The following KAT6A variants were observed in gnomAD, a reference collection of about 807,000 sequenced individuals.
KAT6A encodes lysine acetyltransferase 6A.
A neutral mutation model predicts 198.4 loss-of-function variants in KAT6A; 9 were observed. That is an observed-to-expected ratio of 0.05 (90% CI 0.03 to 0.08). The LOEUF (loss-of-function observed/expected upper bound fraction) is 0.08, where lower values mean the gene tolerates loss of function less well. Among genes scored for constraint, KAT6A ranks in the 10% least tolerant of loss-of-function variants. KAT6A has a pLI of 1.00. For synonymous variants in KAT6A, 890 were observed against 883.0 expected, an observed-to-expected ratio of 1.01 and a Z score of -0.14; for missense variants, 2,077 against 2,509.9, an observed-to-expected ratio of 0.83 and a Z score of 3.69.
intron 2 of KAT6A, among the ~76,000 whole-genome samples, chr8:42,027,278 T>G (rs1826867146): frequency 6.6e-6 from 1 of 152,316 alleles, no homozygotes; most frequent in African/African-American, 2.4e-5. Flanking sequence ...GGATTTGGTA[T>G]TGGGATAATG....
intron 16 of KAT6A, among the ~76,000 whole-genome samples, chr8:41,935,239 T>G (rs1292767583): frequency 1.3e-5 from 2 of 152,242 alleles, no homozygotes; most frequent in Non-Finnish European, 2.9e-5. Context: ...TAAGCAGTAC[T>G]TTTATCAAGT....
chr8:42,014,061 CATATG>C (rs1275771469), intron 2 of KAT6A, among the ~76,000 whole-genome samples: 1 of 152,066 alleles, frequency 6.6e-6, no homozygotes, highest in Admixed American at 6.6e-5. Flanking sequence ...ATCTGAATTA[CATATG>C]ATTTGCATGT....
chr8:41,997,326 A>G (rs1028745574), intron 2 of KAT6A, among the ~76,000 whole-genome samples: 1 of 152,142 alleles, frequency 6.6e-6, no homozygotes, highest in Admixed American at 6.6e-5. Context: ...TGAAACCTGT[A>G]TTTTTAACCA....
chr8:42,005,796 A>ACACACACACACACT lies in KAT6A; in HGVS notation c.601-18234_601-18233insAGTGTGTGTGTGTG, dbSNP rs71239089. Among the ~76,000 whole-genome samples, 355 of 148,890 alleles carry ACACACACACACACT rather than the reference A, an allele frequency of 2.4e-3. 2 individuals carry two copies. Among genetic ancestry groups the ACACACACACACACT allele is most frequent in the Non-Finnish European group, 2.2e-3 (146 of 67,358 alleles). The stretch of plus-strand genomic sequence containing the variant: ...CACACACACACACACACACACACAC[A>ACACACACACACACT]CACTCACTCTCTTTCTCCCCATCCA... On this transcript the variant is annotated intron_variant, in intron 2 of 16. Transcript: ENST00000265713.
chr8:41,973,440 G>A (rs1450292688), intron 8 of KAT6A, among the ~76,000 whole-genome samples: 5 of 151,958 alleles, frequency 3.3e-5, no homozygotes, highest in African/African-American at 1.2e-4. Flanking sequence ...GGCTGGTCTC[G>A]AATTCCTGAC....
rs765539082 is a variant in KAT6A, at chr8:41,932,189, T to G, written c.*16A>C. 9 of 1,528,116 alleles carry G rather than the reference T, an allele frequency of 5.9e-6. No homozygotes were observed. The South Asian group carries it at 1.2e-4, about 21-fold the overall frequency. 94.7% of individuals were successfully genotyped at this position (1,528,116 alleles called of 1,614,324 possible). On this transcript the variant is annotated 3_prime_UTR_variant, in exon 17 of 17. Coordinates refer to ENST00000265713, the MANE Select transcript of KAT6A (RefSeq NM_006766.5). ...ATTTATATATATTTAAGTTTTTGAT[T>G]GCAAGTTCATCTTGCTCATCTTCTC...
At chr8:41,946,535 CACACACAG>C (rs1286510109) in intron 12 of KAT6A, 48 bp downstream of exon 12, 4 of 831,944 alleles carry the variant, frequency 4.8e-6, no homozygotes, top group Non-Finnish European at 8.3e-6. Flanking sequence ...CACACACACA[CACACACAG>C]AGAAGGTCCA....
chr8:42,010,486 T>C (rs1361165114), intron 2 of KAT6A, among the ~76,000 whole-genome samples: 1 of 152,184 alleles, frequency 6.6e-6, no homozygotes, highest in Non-Finnish European at 1.5e-5. Context: ...ACAGAAATCT[T>C]GGGTTGCCTC....
intron 14 of KAT6A, 93 bp downstream of exon 14, chr8:41,942,700 T>G: frequency 7.4e-7 from 1 of 1,358,602 alleles, no homozygotes; most frequent in East Asian, 2.4e-5. Context: ...TTTACTTTTC[T>G]GTGAAAGATG....
At chr8:42,023,675 C>T (rs541693061) in intron 2 of KAT6A, among the ~76,000 whole-genome samples, 21 of 151,812 alleles carry the variant, frequency 1.4e-4, no homozygotes, top group Admixed American at 4.6e-4. Flanking sequence ...TTTGTAAAGA[C>T]GGGGTTTTGT....
intron 14 of KAT6A, chr8:41,942,535 C>A: frequency 2.2e-6 from 1 of 450,438 alleles, no homozygotes; most frequent in East Asian, 3.8e-5. Flanking sequence ...TTCTTGGCAC[C>A]CTGGTAACAA....
chr8:41,999,387 C>A (rs1207043996), intron 2 of KAT6A, among the ~76,000 whole-genome samples: 1 of 152,024 alleles, frequency 6.6e-6, no homozygotes, highest in Non-Finnish European at 1.5e-5. Context: ...CTTTGTGGTC[C>A]TTTTCTTTCT....
chr8:42,012,121 G>A (rs1433326675), intron 2 of KAT6A, among the ~76,000 whole-genome samples: 3 of 152,164 alleles, frequency 2.0e-5, no homozygotes, highest in Non-Finnish European at 2.9e-5. Flanking sequence ...TGAGGAGTCT[G>A]AATAAATGAG....
intron 2 of KAT6A, among the ~76,000 whole-genome samples, chr8:42,006,822 C>A (rs757343020): frequency 2.6e-5 from 4 of 151,850 alleles, no homozygotes; most frequent in Admixed American, 2.0e-4. Flanking sequence ...GTGGTGAAAC[C>A]CTGTTTCTAC....
chr8:42,020,496 T>C (rs1826479085), intron 2 of KAT6A, among the ~76,000 whole-genome samples: 1 of 152,186 alleles, frequency 6.6e-6, no homozygotes, highest in African/African-American at 2.4e-5. Flanking sequence ...TTTGTTGTTA[T>C]TTCTTTGGCT....
In KAT6A at chr8:42,004,881, T is replaced by C. The variant is rs1314532133; in HGVS notation, c.601-17318A>G. Among the ~76,000 whole-genome samples the C allele has an allele frequency of 2.0e-5, 3 of 151,722 alleles. No individual in the cohort carries two copies. In the East Asian group the frequency reaches 5.8e-4, roughly 29 times the overall value. ...AGGCAGAGGTTGCAATGAGCCGAGA[T>C]CACGCCATTGCACTCCAGCCTGGGC... On this transcript the variant is annotated intron_variant, in intron 2 of 16. Coordinates refer to ENST00000265713, the MANE Select transcript of KAT6A (RefSeq NM_006766.5).
chr8:41,946,493 TACACACAC>T lies in KAT6A; in HGVS notation c.1996+90_1996+97del, dbSNP rs60247515. The stretch of plus-strand genomic sequence containing the variant: ...CTACAAATCTTTAAATATATATATA[TACACACAC>T]ACACACACACACACACACACACACA... On this transcript the variant is annotated intron_variant, in intron 12 of 16. Coordinates refer to ENST00000265713, the MANE Select transcript of KAT6A (RefSeq NM_006766.5). 6.8e-4 allele frequency: 221 copies of T among 323,568 alleles called. 2 individuals carry two copies. The highest frequency in any genetic ancestry group is 1.5e-3 in the East Asian group (34 of 22,188). 20.0% of individuals were successfully genotyped at this position (323,568 alleles called of 1,614,324 possible).
intron 2 of KAT6A, among the ~76,000 whole-genome samples, chr8:41,998,070 A>G (rs1314067287): frequency 1.3e-5 from 2 of 152,162 alleles, no homozygotes; most frequent in Non-Finnish European, 2.9e-5. Flanking sequence ...CACAGTAAGA[A>G]GTCTAGTAAA....
At chr8:41,971,128 C>T (rs930389906) in intron 8 of KAT6A, among the ~76,000 whole-genome samples, 1 of 150,188 alleles carries the variant, frequency 6.7e-6, no homozygotes, top group South Asian at 2.1e-4. Context: ...ATGTAAATGA[C>T]GAGTTAATGG....
Sources: allele counts gnomAD v4.1 joint callset (sites outside exome capture counted in the v4.1 genomes callset), GRCh38; gene constraint gnomAD v4.1.1; transcripts MANE v1.5; gene names NCBI Gene and HGNC (gene_info 2026-07-23, HGNC 2026-07-21).